LARGE1: variants seen among roughly 807,000 people sequenced by gnomAD.
LARGE1 encodes xylosyl- and glucuronyltransferase LARGE1.
In LARGE1, 43 loss-of-function variants were observed where a neutral mutation model predicts 87.6. The observed-to-expected ratio is 0.49, with a 90% CI of 0.38 to 0.63. The LOEUF (loss-of-function observed/expected upper bound fraction) is 0.63. Among genes scored for constraint, LARGE1 ranks in the 30% least tolerant of loss-of-function variants. The probability of loss-of-function intolerance (pLI) is 0.00; values close to 1 mark genes in which losing one functional copy is unlikely to be tolerated. For synonymous variants in LARGE1, 434 were observed against 394.6 expected, an observed-to-expected ratio of 1.10 and a Z score of -1.18; for missense variants, 802 against 1,000.2, an observed-to-expected ratio of 0.80 and a Z score of 2.67.
chr22:33,737,919 G>A (rs1226545345), intron 2 of LARGE1: 3 of 152,142 alleles, frequency 2.0e-5, no homozygotes, highest in Non-Finnish European at 4.4e-5. Context: ...CTCTGCACAA[G>A]CTTGCCTTGT....
chr22:33,606,068 G>A lies in LARGE1; in HGVS notation c.492-1510C>T, dbSNP rs377205970. On this transcript the variant is annotated intron_variant, in intron 4 of 14. Transcript: ENST00000397394. ...GGCGGAGGGGCTTAGTAGGGCTCCA[G>A]GGTTGGAGCAGAGAAGGACATGAGA... 1.7e-3 allele frequency among the ~76,000 whole-genome samples: 256 copies of A among 152,294 alleles called. 1 individual carries two copies. The highest frequency in any genetic ancestry group is 5.8e-3 in the African/African-American group (242 of 41,550).
At chr22:33,598,092 CAG>C (rs1403498766) in intron 5 of LARGE1, among the ~76,000 whole-genome samples, 1 of 152,168 alleles carries the variant, frequency 6.6e-6, no homozygotes, top group Non-Finnish European at 1.5e-5. Flanking sequence ...ATCAAAAGCT[CAG>C]AGAGTCCTTG....
chr22:33,394,098 A>G (rs2065633498), intron 7 of LARGE1, among the ~76,000 whole-genome samples: 1 of 150,582 alleles, frequency 6.6e-6, no homozygotes, highest in Non-Finnish European at 1.5e-5. Context: ...AAAAAAAAAA[A>G]GAGAAGCTAA....
intron 1 of LARGE1, among the ~76,000 whole-genome samples, chr22:33,843,008 G>T (rs572809650): frequency 3.0e-4 from 46 of 151,590 alleles, no homozygotes; most frequent in African/African-American, 9.8e-4. Flanking sequence ...TTGTTCCTCT[G>T]GGGGGGTCCT....
the LARGE1 span, among the ~76,000 whole-genome samples, chr22:33,104,963 CTCTTTCTT>C: frequency 7.1e-3 from 994 of 140,640 alleles, 9 homozygotes; most frequent in South Asian, 0.047. Context: ...CTCTCTTTCT[CTCTTTCTT>C]TCTTTCTTTT....
intron 1 of LARGE1, among the ~76,000 whole-genome samples, chr22:33,774,220 A>T (rs1264448262): frequency 1.3e-5 from 2 of 150,354 alleles, no homozygotes; most frequent in Admixed American, 1.3e-4. Context: ...TTAGCACCAG[A>T]AAATGATTCT....
At chr22:33,189,486 C>T (rs1435134807) in intron 11 of LARGE1, among the ~76,000 whole-genome samples, 2 of 152,210 alleles carry the variant, frequency 1.3e-5, no homozygotes, top group Non-Finnish European at 2.9e-5. Context: ...CACGCACATA[C>T]ACACACTCAC....
chr22:33,655,474 G>C (rs1207257102), intron 2 of LARGE1, among the ~76,000 whole-genome samples: 1 of 152,166 alleles, frequency 6.6e-6, no homozygotes, highest in Non-Finnish European at 1.5e-5. Context: ...TTCGGACTCA[G>C]ACTAGAACTA....
At chr22:33,235,644 C>A (rs185988897) in intron 11 of LARGE1, among the ~76,000 whole-genome samples, 6 of 152,174 alleles carry the variant, frequency 3.9e-5, no homozygotes, top group Non-Finnish European at 8.8e-5. Flanking sequence ...CCTTCCCCTA[C>A]GTGTAGCCTC....
At chr22:33,514,704 G>C (rs541472570) in intron 6 of LARGE1, among the ~76,000 whole-genome samples, 1 of 152,080 alleles carries the variant, frequency 6.6e-6, no homozygotes, top group Non-Finnish European at 1.5e-5. Flanking sequence ...GGACAACTAC[G>C]TGTATATATA....
At chr22:33,407,883 G>A (rs1254876444) in intron 7 of LARGE1, among the ~76,000 whole-genome samples, 1 of 152,026 alleles carries the variant, frequency 6.6e-6, no homozygotes, top group Non-Finnish European at 1.5e-5. Flanking sequence ...GAGACACTCT[G>A]TAAAAGAAAA....
intron 1 of LARGE1, among the ~76,000 whole-genome samples, chr22:33,888,790 G>A (rs1187762185): frequency 2.6e-5 from 4 of 152,036 alleles, no homozygotes; most frequent in Non-Finnish European, 1.5e-5. Flanking sequence ...CCAGGAGGCA[G>A]AGGTTGCAGA....
At chr22:33,330,877 A>G (rs571943999) in intron 10 of LARGE1, among the ~76,000 whole-genome samples, 1 of 152,302 alleles carries the variant, frequency 6.6e-6, no homozygotes, top group East Asian at 1.9e-4. Flanking sequence ...AAGGCAAACC[A>G]AATAGCCTCT....
chr22:33,694,497 G>A (rs748396904), intron 2 of LARGE1, among the ~76,000 whole-genome samples: 76 of 152,122 alleles, frequency 5.0e-4, no homozygotes, highest in Non-Finnish European at 9.4e-4. Context: ...ACTAATGAAC[G>A]TTTGATCAAT....
chr22:33,614,232 A>G lies in LARGE1; in HGVS notation c.492-9674T>C, dbSNP rs541881588. ...TTATTGTCAGATCGATTGAGCTAAA[A>G]CATATGCAGCACTTACAACAAGGAC... is the stretch of plus-strand genomic sequence containing the variant. On this transcript the variant is annotated intron_variant, in intron 4 of 14. Transcript: ENST00000397394. Among the ~76,000 whole-genome samples the G allele has an allele frequency of 2.0e-5, 3 of 152,274 alleles. No individual in the cohort carries two copies. In the South Asian group the frequency reaches 6.2e-4, roughly 32 times the overall value.
intron 11 of LARGE1, among the ~76,000 whole-genome samples, chr22:33,220,836 C>A (rs1015907898): frequency 6.6e-6 from 1 of 152,194 alleles, no homozygotes; most frequent in African/African-American, 2.4e-5. Context: ...CAGCTGAATC[C>A]TTCATGTGCA....
intron 4 of LARGE1, among the ~76,000 whole-genome samples, chr22:33,625,271 G>T (rs1449987919): frequency 6.6e-6 from 1 of 152,162 alleles, no homozygotes; most frequent in East Asian, 1.9e-4. Flanking sequence ...ACACCATTCT[G>T]GATAGGACCC....
At chr22:33,112,248 G>A in the LARGE1 span, among the ~76,000 whole-genome samples, 857 of 152,316 alleles carry the variant, frequency 5.6e-3, 11 homozygotes, top group African/African-American at 0.02. Flanking sequence ...CGAGAAAAGT[G>A]GATGGCTGTG....
At chr22:33,675,908 T>C (rs1435074137) in intron 2 of LARGE1, among the ~76,000 whole-genome samples, 1 of 145,390 alleles carries the variant, frequency 6.9e-6, no homozygotes, top group Admixed American at 6.6e-5. Context: ...GTCATTCAGC[T>C]GGTAAGTGAA....
Sources: allele counts gnomAD v4.1 joint callset (sites outside exome capture counted in the v4.1 genomes callset), GRCh38; gene constraint gnomAD v4.1.1; transcripts MANE v1.5; gene names NCBI Gene and HGNC (gene_info 2026-07-23, HGNC 2026-07-21).